Variants in RNF213 observed in about 807,000 individuals in gnomAD.
RNF213 encodes ring finger protein 213.
In RNF213, 341 loss-of-function variants were observed where a neutral mutation model predicts 514.4. The ratio of observed to expected loss-of-function variants is 0.66; its 90% CI spans 0.61 to 0.73. RNF213 has a LOEUF of 0.73. RNF213 is among the 30% of genes least tolerant of loss of function. The pLI is 0.00. For synonymous variants in RNF213, 2,655 were observed against 2,658.2 expected (o/e 1.00, Z 0.04); for missense variants, 5,767 against 6,615.6 (o/e 0.87, Z 4.45).
chr17:80,339,460 A>G lies in RNF213; in HGVS notation c.5093A>G (p.His1698Arg). The G allele has an allele frequency of 1.3e-6, 2 of 1,537,190 alleles. No individual in the cohort carries two copies. Among genetic ancestry groups the G allele is most frequent in the Non-Finnish European group, 1.7e-6 (2 of 1,146,900 alleles). ...KRFVTQKRME[H>R]FYLNFYTAEQ... Reference sequence around the variant, plus strand: ...TTTGTGACCCAGAAGCGAATGGAGCACTTTTACCTGAACTTCTACACGGCA... The same window carrying G: ...TTTGTGACCCAGAAGCGAATGGAGCGCTTTTACCTGAACTTCTACACGGCA... Residue 1698 changes from histidine to arginine, a missense_variant, in exon 26 of 68, where the codon CAC becomes CGC. By Grantham distance (29) the His-to-Arg change is conservative (BLOSUM62 0). This residue lies in a region of RNF213 where 1,377 missense variants were observed against 1,635.2 expected (regional missense o/e 0.84). Transcript: ENST00000582970.
intron 26 of RNF213, chr17:80,340,607 TGG>T: frequency 4.8e-5 from 16 of 334,572 alleles, no homozygotes; most frequent in South Asian, 1.6e-4. Context: ...GTGTACTTTG[TGG>T]TTTTTTTTTT....
Position 80,354,141 on chromosome 17 carries a change from C to T in RNF213, c.10701C>T (p.Leu3567=), listed in dbSNP as rs2078640326. The T allele has an allele frequency of 6.2e-7, 1 of 1,614,038 alleles. No individual in the cohort carries two copies. Among genetic ancestry groups the T allele is most frequent in the Non-Finnish European group, 8.5e-7 (1 of 1,180,026 alleles). Residue 3567 remains leucine, a synonymous_variant, in exon 35 of 68, where the codon CTC becomes CTT. Transcript: ENST00000582970. Reference sequence around the variant, plus strand: ...GGAGGGTGGTGCTCCTCCTGGGCCTCTTGAATGAGGATGACGCGTGCCACG... The same window carrying T: ...GGAGGGTGGTGCTCCTCCTGGGCCTTTTGAATGAGGATGACGCGTGCCACG... ...NMRRVVLLLG[L]LNEDDACHAS...
In RNF213 at chr17:80,345,487, C is replaced by G. The variant is rs992225650; in HGVS notation, c.7152C>G (p.Pro2384=). 1.9e-6 allele frequency: 3 copies of G among 1,610,200 alleles called. No individual in the cohort carries two copies. The highest frequency in any genetic ancestry group is 2.5e-6 in the Non-Finnish European group (3 of 1,177,186). The change falls in exon 29 of 68, where the codon CCC becomes CCG. Residue 2384 remains proline, a synonymous_variant. Transcript: ENST00000582970. The surrounding 1 kb of genome is among the most constrained non-coding windows in gnomAD (Gnocchi z 6.0). ...LERLCLTLGI[P]QATDPDKTYE... The stretch of plus-strand genomic sequence containing the variant: ...GGCTCTGCCTGACCTTAGGGATCCC[C>G]CAGGCCACCGACCCCGACAAAACGT...
chr17:80,289,527 T>A, intron 5 of RNF213, 132 bp from the exon 6 acceptor site: 7 of 924,702 alleles, frequency 7.6e-6, no homozygotes, highest in Non-Finnish European at 1.7e-6. Flanking sequence ...GAGGCGGAGG[T>A]TGCAGTGAGC....
intron 20 of RNF213, 67 bp downstream of exon 20, chr17:80,328,544 T>A: frequency 6.8e-7 from 1 of 1,469,056 alleles, no homozygotes; most frequent in Non-Finnish European, 9.1e-7. Context: ...ACAGTAAGAA[T>A]GGATCACAGT....
chr17:80,273,551 C>T, intron 3 of RNF213, 147 bp downstream of exon 3: 1 of 981,214 alleles, frequency 1.0e-6, no homozygotes, highest in Non-Finnish European at 1.5e-6. Flanking sequence ...GCTGCCCCTT[C>T]TGCACCTGAT....
At chr17:80,307,379 T>TG in intron 13 of RNF213, among the ~76,000 whole-genome samples, 178 bp downstream of exon 13, 2 of 151,072 alleles carry the variant, frequency 1.3e-5, no homozygotes, top group Non-Finnish European at 3.0e-5. Context: ...TTTTTTTTTT[T>TG]TTGAGTCAGA....
chr17:80,363,141 A>C lies in RNF213; in HGVS notation c.11395A>C (p.Lys3799Gln). ...TCTGTGGTCCTGCACTAGGAAACTG[A>C]AAGCGGCGTCAGAAGCGCCCGAGGA... ...MALWSCTRKLKAASEAPEEEV... is the reference protein window; with the variant it reads ...MALWSCTRKLQAASEAPEEEV... The change falls in exon 40 of 68, where the codon AAA becomes CAA. Residue 3799 changes from lysine to glutamine, a missense_variant. By Grantham distance (53) the Lys-to-Gln change is moderately conservative (BLOSUM62 1). Coordinates refer to ENST00000582970, the MANE Select transcript of RNF213 (RefSeq NM_001256071.3). 6.2e-7 allele frequency: 1 copy of C among 1,614,240 alleles called. No homozygotes were observed. The highest frequency in any genetic ancestry group is 1.6e-4 in the Middle Eastern group (1 of 6,062).
intron 2 of RNF213, 127 bp from the exon 3 acceptor site, chr17:80,273,114 C>A: frequency 7.8e-7 from 1 of 1,277,916 alleles, no homozygotes; most frequent in South Asian, 1.2e-5. Flanking sequence ...GTTAGCAGGC[C>A]CAATGCAGGA....
intron 3 of RNF213, 122 bp downstream of exon 3, chr17:80,273,526 C>T: frequency 3.1e-6 from 4 of 1,275,940 alleles, no homozygotes; most frequent in Admixed American, 2.0e-5. Context: ...AACCTGCCCA[C>T]AGGGCAGCAG....
chr17:80,343,513 G>A lies in RNF213; in HGVS notation c.6183+188G>A, dbSNP rs2078221891. 6.6e-6 allele frequency among the ~76,000 whole-genome samples: 1 copy of A among 152,180 alleles called. No individual in the cohort carries two copies. Among genetic ancestry groups the A allele is most frequent in the Non-Finnish European group, 1.5e-5 (1 of 68,030 alleles). ...TTCCTCCTTGTGTGAACGTCATGGT[G>A]TGCGCTTACACTAACCTAGACGTAG... On this transcript the variant is annotated intron_variant, in intron 27 of 67. Coordinates refer to ENST00000582970, the MANE Select transcript of RNF213 (RefSeq NM_001256071.3). This position sits in a 1 kb window ranked among gnomAD's most constrained non-coding sequence, Gnocchi z 4.3.
chr17:80,368,701 G>A (rs1300840585), intron 44 of RNF213, among the ~76,000 whole-genome samples: 1 of 152,210 alleles, frequency 6.6e-6, no homozygotes, highest in Non-Finnish European at 1.5e-5. Flanking sequence ...CCAAAGTGCA[G>A]GGATTACAGG....
Position 80,381,732 on chromosome 17 carries a change from G to A in RNF213, c.13978+5G>A, listed in dbSNP as rs1408288594. ...AGCACCAGCTCTCTAGCAGAAGTGA[G>A]GAAAGGGGCAAGGGCTGGGCGGGGA... On this transcript the variant is annotated splice_donor_5th_base_variant and intron_variant, in intron 57 of 67. Transcript: ENST00000582970. 1 of 1,612,450 alleles carries A rather than the reference G, an allele frequency of 6.2e-7. No homozygotes were observed. The highest frequency in any genetic ancestry group is 1.1e-5 in the South Asian group (1 of 90,924).
At chr17:80,348,367 C>T in intron 29 of RNF213, 81 bp downstream of exon 29, 1 of 1,577,518 alleles carries the variant, frequency 6.3e-7, no homozygotes, top group Non-Finnish European at 8.6e-7. Context: ...CAAGATTCTT[C>T]CCCAGGCAGC....
At chr17:80,374,432 A>AC (rs765260386) in intron 49 of RNF213, 26 bp from the exon 50 acceptor site, 2 of 1,613,604 alleles carry the variant, frequency 1.2e-6, no homozygotes, top group Non-Finnish European at 1.7e-6. Context: ...CCCATTGTTC[A>AC]CCCCCAACTA....
At position 80,377,995 on chromosome 17, in the gene RNF213, C is replaced by T. The variant is rs1300045878; in HGVS notation, c.13545+199C>T. On this transcript the variant is annotated intron_variant, in intron 54 of 67. Transcript: ENST00000582970. The surrounding 1 kb of genome is among the most constrained non-coding windows in gnomAD (Gnocchi z 4.1). ...AGCCCAGGGCTTCTCAGACTCAGCA[C>T]TGTGGACGTGGCTCTGCGGCGTGGG... Among the ~76,000 whole-genome samples the T allele has an allele frequency of 6.6e-6, 1 of 152,194 alleles. No homozygotes were observed. The highest frequency in any genetic ancestry group is 2.4e-5 in the African/African-American group (1 of 41,456).
intron 14 of RNF213, 43 bp downstream of exon 14, chr17:80,309,214 G>A (rs776633910): frequency 9.3e-6 from 15 of 1,612,592 alleles, no homozygotes; most frequent in Non-Finnish European, 1.2e-5. Flanking sequence ...CGGGATAGGT[G>A]CGGAATTTCA....
In RNF213 at chr17:80,264,479, G is replaced by A. The variant is rs977259808; in HGVS notation, c.97+701G>A. 1.2e-4 allele frequency among the ~76,000 whole-genome samples: 19 copies of A among 152,126 alleles called. No individual in the cohort carries two copies. The highest frequency in any genetic ancestry group is 4.3e-4 in the African/African-American group (18 of 41,496). On this transcript the variant is annotated intron_variant, in intron 2 of 67. Coordinates refer to ENST00000582970, the MANE Select transcript of RNF213 (RefSeq NM_001256071.3). The surrounding 1 kb of genome is among the most constrained non-coding windows in gnomAD (Gnocchi z 5.0). ...GCCTCAGACTGGTTCCCCTCCTCCCGGGTTTTAAACACCAACCCTAAAACT... is the reference window on the plus strand; with the variant it reads ...GCCTCAGACTGGTTCCCCTCCTCCCAGGTTTTAAACACCAACCCTAAAACT...
At chr17:80,360,989 C>A (rs550476540) in intron 38 of RNF213, among the ~76,000 whole-genome samples, 2 of 152,274 alleles carry the variant, frequency 1.3e-5, no homozygotes, top group East Asian at 3.9e-4. Context: ...ACCCCGCCCA[C>A]TAGAAGCCAG....
Sources: gnomAD v4.1 joint callset for allele counts (sites outside exome capture counted in the v4.1 genomes callset) on GRCh38, gnomAD v4.1.1 for gene constraint, gnomAD v4.1.1 regional missense constraint, Gnocchi (gnomAD v3.1) non-coding constraint, MANE v1.5 for transcripts, NCBI Gene and HGNC (gene_info 2026-07-23, HGNC 2026-07-21) for gene names.